The following TRHDE variants were observed in gnomAD, a reference collection of about 807,000 sequenced individuals.
The protein encoded by TRHDE is thyrotropin-releasing hormone-degrading ectoenzyme.
Under a neutral mutation model 125.7 loss-of-function variants are expected in TRHDE, and 72 were observed. The observed-to-expected ratio is 0.57, with a 90% CI of 0.47 to 0.70. TRHDE has a LOEUF of 0.70. TRHDE is among the 30% of genes least tolerant of loss of function. The pLI, the probability that TRHDE is intolerant of heterozygous loss-of-function variation, is 0.00. For synonymous variants in TRHDE, 509 were observed against 509.1 expected (o/e 1.00, Z 0.00); for missense variants, 1,110 against 1,327.1 (o/e 0.84, Z 2.54).
At chr12:72,538,526 C>T (rs1286238710) in intron 6 of TRHDE, among the ~76,000 whole-genome samples, 1 of 151,898 alleles carries the variant, frequency 6.6e-6, no homozygotes, top group Non-Finnish European at 1.5e-5. Flanking sequence ...CTTACTAAAG[C>T]CTTAGAACTT....
intron 15 of TRHDE, among the ~76,000 whole-genome samples, chr12:72,635,818 T>G (rs960503298): frequency 6.6e-6 from 1 of 152,176 alleles, no homozygotes; most frequent in Non-Finnish European, 1.5e-5. Context: ...GTTGTAGATA[T>G]GCAGCATTAT....
Position 72,665,084 on chromosome 12 carries a change from A to C in TRHDE, c.*1889A>C, listed in dbSNP as rs1875066639. The C allele has an allele frequency of 6.6e-6, 1 of 152,096 alleles. No homozygotes were observed. The highest frequency in any genetic ancestry group is 1.5e-5 in the Non-Finnish European group (1 of 67,964). The allele number at this position is 152,096 out of a possible 1,614,324, so 9.4% of individuals were successfully genotyped here. ...TTATAAAATCCTTAATTAAATGAGT[A>C]ACTTCTAAAATATAACAATACTAAA... On this transcript the variant is annotated 3_prime_UTR_variant, in exon 19 of 19. Transcript: ENST00000261180.
chr12:72,317,718 A>T (rs929679602), intron 2 of TRHDE, among the ~76,000 whole-genome samples: 1 of 152,230 alleles, frequency 6.6e-6, no homozygotes, highest in Admixed American at 6.5e-5. Context: ...CCATAGGTAC[A>T]TGAAAGAGGG....
chr12:72,266,821 A>G (rs1879080633), intron 2 of TRHDE, among the ~76,000 whole-genome samples: 1 of 151,976 alleles, frequency 6.6e-6, no homozygotes, highest in Admixed American at 6.6e-5. Context: ...TAATTAAATG[A>G]CTCTGGCCAA....
chr12:72,530,838 A>G (rs887391442), intron 6 of TRHDE, among the ~76,000 whole-genome samples: 9 of 152,128 alleles, frequency 5.9e-5, no homozygotes. Context: ...TTTCAAAGCA[A>G]TAATGGGTAT....
rs1363966119 is a variant in TRHDE at position 72,273,453 on chromosome 12, G to C, written c.810G>C (p.Leu270=). Residue 270 remains leucine (L), a synonymous_variant, in exon 1 of 19, where the codon CTG becomes CTC. Coordinates refer to ENST00000261180, the MANE Select transcript of TRHDE (RefSeq NM_013381.3). This position sits in a 1 kb window ranked among gnomAD's most constrained non-coding sequence, Gnocchi z 5.3. The part of the protein sequence containing the change: ...QVLVVVLNRT[L]DAQRNYNLKI... The stretch of plus-strand genomic sequence containing the variant: ...TAGTGGTGGTGCTGAATAGGACACT[G>C]GACGCGCAGAGGAATTACAATCTGA... 1 of 1,613,956 alleles carries C rather than the reference G, an allele frequency of 6.2e-7. No homozygotes were observed. The highest frequency in any genetic ancestry group is 1.3e-5 in the African/African-American group (1 of 74,914).
intron 2 of TRHDE, among the ~76,000 whole-genome samples, chr12:72,321,785 A>G (rs1869107944): frequency 6.6e-6 from 1 of 152,108 alleles, no homozygotes; most frequent in Admixed American, 6.6e-5. Flanking sequence ...TTTGTAAATA[A>G]CCATTTGTAA....
intron 5 of TRHDE, among the ~76,000 whole-genome samples, chr12:72,474,364 T>C (rs1017118613): frequency 2.0e-5 from 3 of 152,158 alleles, no homozygotes; most frequent in African/African-American, 4.8e-5. Flanking sequence ...TGCTCTATAG[T>C]AGATCTCTAG....
chr12:72,325,246 T>C (rs1869286377), intron 2 of TRHDE, among the ~76,000 whole-genome samples: 1 of 152,136 alleles, frequency 6.6e-6, no homozygotes, highest in Non-Finnish European at 1.5e-5. Flanking sequence ...AATGAAATTC[T>C]ATTTCTTCAG....
chr12:72,552,401 G>A (rs959404372), intron 7 of TRHDE, among the ~76,000 whole-genome samples: 5 of 152,114 alleles, frequency 3.3e-5, no homozygotes, highest in Non-Finnish European at 5.9e-5. Context: ...TGCGAGATGA[G>A]GAAGAGAATG....
At chr12:72,098,944 C>A (rs1875001565) in intron 1 of TRHDE, among the ~76,000 whole-genome samples, 1 of 152,168 alleles carries the variant, frequency 6.6e-6, no homozygotes, top group Admixed American at 6.5e-5. Context: ...CACTTTGGAT[C>A]ACCTGAGGCC....
chr12:72,261,276 T>C (rs979772038), intron 2 of TRHDE, among the ~76,000 whole-genome samples: 2 of 152,176 alleles, frequency 1.3e-5, no homozygotes, highest in Admixed American at 1.3e-4. Context: ...GTTAAAGCAC[T>C]AACTTTGGTT....
At chr12:72,533,837 C>T (rs1392099792) in intron 6 of TRHDE, among the ~76,000 whole-genome samples, 1 of 149,570 alleles carries the variant, frequency 6.7e-6, no homozygotes, top group Admixed American at 6.7e-5. Flanking sequence ...AATGCTATTT[C>T]CTACACTGTT....
At chr12:72,619,160 C>T (rs769447379) in intron 13 of TRHDE, 122 bp downstream of exon 13, 58 of 712,568 alleles carry the variant, frequency 8.1e-5, no homozygotes, top group Non-Finnish European at 1.0e-4. Flanking sequence ...TGTGTTATCC[C>T]GATTTTTGTC....
chr12:72,601,170 G>T (rs1001314029), intron 12 of TRHDE, among the ~76,000 whole-genome samples: 2 of 152,056 alleles, frequency 1.3e-5, no homozygotes, highest in African/African-American at 4.8e-5. Context: ...GGAAGTAGTT[G>T]ATTCCAACTG....
chr12:72,184,056 A>G (rs893834396), intron 2 of TRHDE, among the ~76,000 whole-genome samples: 1 of 152,242 alleles, frequency 6.6e-6, no homozygotes, highest in Non-Finnish European at 1.5e-5. Context: ...TAAAATAGCT[A>G]GAAGCAGTAC....
At chr12:72,373,675 G>C (rs1409109544) in intron 2 of TRHDE, among the ~76,000 whole-genome samples, 1 of 152,194 alleles carries the variant, frequency 6.6e-6, no homozygotes, top group Non-Finnish European at 1.5e-5. Context: ...GCAAGTGTGG[G>C]ATTTGGACAA....
chr12:72,318,119 T>G (rs1002707968), intron 2 of TRHDE, among the ~76,000 whole-genome samples: 10 of 152,172 alleles, frequency 6.6e-5, no homozygotes, highest in African/African-American at 2.4e-4. Flanking sequence ...TATGTTGGAT[T>G]TACTATGTGC....
chr12:72,147,693 A>T (rs1278276870), intron 2 of TRHDE: 1 of 152,196 alleles, frequency 6.6e-6, no homozygotes. Flanking sequence ...TTCTCTCATC[A>T]TTGAAGGTCA....
Sources: allele counts gnomAD v4.1 joint callset (sites outside exome capture counted in the v4.1 genomes callset), GRCh38; gene constraint gnomAD v4.1.1; non-coding constraint Gnocchi (gnomAD v3.1); transcripts MANE v1.5; gene names NCBI Gene and HGNC (gene_info 2026-07-23, HGNC 2026-07-21).